The following COX7A2L variants were observed in gnomAD, a reference collection of about 807,000 sequenced individuals.
COX7A2L encodes cytochrome c oxidase subunit 7A2 like, also known as cytochrome c oxidase subunit 7A2-like, mitochondrial.
COX7A2L carries 18 observed loss-of-function variants against 14.2 expected under a neutral mutation model. The observed-to-expected ratio is 1.27, with a 90% CI of 0.88 to 1.88. COX7A2L has a LOEUF of 1.88. Among genes scored for constraint, COX7A2L ranks in the 40% most tolerant of loss-of-function variants. The pLI, the probability that COX7A2L is intolerant of heterozygous loss-of-function variation, is 0.00. For synonymous variants in COX7A2L, 65 were observed against 57.4 expected (o/e 1.13, Z -0.60); for missense variants, 179 against 138.8 (o/e 1.29, Z -1.46).
intron 1 of COX7A2L, among the ~76,000 whole-genome samples, chr2:42,357,192 A>G (rs973631672): frequency 6.6e-6 from 1 of 152,186 alleles, no homozygotes; most frequent in African/African-American, 2.4e-5. Flanking sequence ...AAGAGGGTGG[A>G]GAGAAAAGAG....
chr2:42,345,927 G>A (rs1476770905), downstream of COX7A2L, among the ~76,000 whole-genome samples: 5 of 152,192 alleles, frequency 3.3e-5, no homozygotes, highest in African/African-American at 1.2e-4. Context: ...GCCGGTGAGA[G>A]GGAGGAGGGT....
upstream of COX7A2L, among the ~76,000 whole-genome samples, chr2:42,364,436 T>G (rs1558638610): frequency 6.6e-6 from 1 of 152,100 alleles, no homozygotes; most frequent in Non-Finnish European, 1.5e-5. Context: ...CCTTTTCCAT[T>G]GTTGTTTATG....
chr2:42,364,769 G>A (rs1558638694), upstream of COX7A2L, among the ~76,000 whole-genome samples: 1 of 152,180 alleles, frequency 6.6e-6, no homozygotes. Context: ...CTGAGGGTCT[G>A]AATGGCTCAT....
chr2:42,354,931 C>G (rs1325990797), intron 1 of COX7A2L, among the ~76,000 whole-genome samples: 1 of 152,206 alleles, frequency 6.6e-6, no homozygotes, highest in Non-Finnish European at 1.5e-5. Flanking sequence ...ATTCTGACAG[C>G]AACCCTATGA....
At chr2:42,355,687 T>C (rs550174442) in intron 1 of COX7A2L, among the ~76,000 whole-genome samples, 1 of 150,642 alleles carries the variant, frequency 6.6e-6, no homozygotes, top group East Asian at 2.0e-4. Flanking sequence ...GGTTTAATAA[T>C]TTAACAGTCA....
At chr2:42,362,871 T>C (rs534022729), upstream of COX7A2L, among the ~76,000 whole-genome samples, 13 of 151,818 alleles carry the variant, frequency 8.6e-5, no homozygotes, top group Non-Finnish European at 1.3e-4. Flanking sequence ...TCCTTTTTTT[T>C]TTTTTTTTTT....
intron 1 of COX7A2L, among the ~76,000 whole-genome samples, chr2:42,367,146 A>G (rs1671179492): frequency 6.6e-6 from 1 of 152,210 alleles, no homozygotes; most frequent in South Asian, 2.1e-4. Context: ...TCTGCTCCAT[A>G]GAAACTGAAA....
In COX7A2L at chr2:42,351,349, C is replaced by A; in HGVS notation, c.215G>T (p.Gly72Val). ...ELQKFFQKAD[G>V]VPVYLKRGLP... ...GCCTCGTTTCAGGTAGACGGGCACA[C>A]CATCAGCTTTCTTGAAAGCAAGAAT... Residue 72 changes from glycine (G) to valine (V), a missense_variant, in exon 3 of 3, where the codon GGT becomes GTT. Physicochemically the swap from Gly to Val is moderately radical, Grantham distance 109. Coordinates refer to ENST00000234301, the MANE Select transcript of COX7A2L (RefSeq NM_004718.4). 6.2e-7 allele frequency: 1 copy of A among 1,613,556 alleles called. No individual in the cohort carries two copies. Among genetic ancestry groups the A allele is most frequent in the Non-Finnish European group, 8.5e-7 (1 of 1,179,860 alleles).
In COX7A2L at chr2:42,351,055, C is replaced by G. The variant is rs938945234; in HGVS notation, c.*164G>C. The G allele has an allele frequency of 2.9e-6, 2 of 701,196 alleles. No individual in the cohort carries two copies. Among genetic ancestry groups the G allele is most frequent in the African/African-American group, 1.8e-5 (1 of 55,426 alleles). The allele number at this position is 701,196 out of a possible 1,614,324, so 43.4% of individuals were successfully genotyped here. On this transcript the variant is annotated 3_prime_UTR_variant, in exon 3 of 3. Transcript: ENST00000234301. ...AACTGTCGAATGAGCTCTGACAAGCCATATGCATTTCATAAACAAACCAAA... is the reference window on the plus strand; with the variant it reads ...AACTGTCGAATGAGCTCTGACAAGCGATATGCATTTCATAAACAAACCAAA...
At chr2:42,363,513 A>G (rs970298968), upstream of COX7A2L, among the ~76,000 whole-genome samples, 1 of 152,158 alleles carries the variant, frequency 6.6e-6, no homozygotes, top group Non-Finnish European at 1.5e-5. Context: ...CTGCCATCTG[A>G]TTTTAGATCC....
chr2:42,360,664 G>A (rs945220081), intron 1 of COX7A2L, among the ~76,000 whole-genome samples: 4 of 152,014 alleles, frequency 2.6e-5, no homozygotes, highest in South Asian at 2.1e-4. Flanking sequence ...TTATAGCCCC[G>A]CGCTCTCTAA....
At position 42,353,192 on chromosome 2, in the gene COX7A2L, TGTAGA is replaced by T; in HGVS notation, c.204+15_204+19del. On this transcript the variant is annotated intron_variant, in intron 2 of 2. Coordinates refer to ENST00000234301, the MANE Select transcript of COX7A2L (RefSeq NM_004718.4). ...CTATTTATTTCACAGGCTTTTCTGT[TGTAGA>T]GTATCTTCCCTCACCTGGAAAAACT... 6.2e-7 allele frequency: 1 copy of T among 1,611,316 alleles called. No individual in the cohort carries two copies. The highest frequency in any genetic ancestry group is 1.3e-5 in the African/African-American group (1 of 74,774).
chr2:42,350,436 G>C lies in COX7A2L; in HGVS notation c.*783C>G, dbSNP rs1483729011. The C allele has an allele frequency of 1.3e-5, 2 of 152,136 alleles. No homozygotes were observed. Among genetic ancestry groups the C allele is most frequent in the African/African-American group, 4.8e-5 (2 of 41,424 alleles). The allele number at this position is 152,136 out of a possible 1,614,324, so 9.4% of individuals were successfully genotyped here. On this transcript the variant is annotated 3_prime_UTR_variant, in exon 3 of 3. Transcript: ENST00000234301. ...TTAACAAGAAAGAAATTAGACTCAGGTTTAAGATGCTGCTGGTGTTCTGAA... is the reference window on the plus strand; with the variant it reads ...TTAACAAGAAAGAAATTAGACTCAGCTTTAAGATGCTGCTGGTGTTCTGAA...
In COX7A2L at chr2:42,342,821, T is replaced by C. The variant is rs1572784656; in HGVS notation, c.193-8952A>G. 1.3e-5 allele frequency among the ~76,000 whole-genome samples: 2 copies of C among 152,248 alleles called. No homozygotes were observed. Among genetic ancestry groups the C allele is most frequent in the African/African-American group, 4.8e-5 (2 of 41,530 alleles). On this transcript the variant is annotated intron_variant, in intron 2 of 2. Coordinates refer to the COX7A2L transcript ENST00000468711. This position sits in a 1 kb window ranked among gnomAD's most constrained non-coding sequence, Gnocchi z 4.9. ...CCCCGTTTCGGGTTTTGCAGCAGACTTCCCCTGGGAAGTCAGCTCCAGCAG... is the reference window on the plus strand; with the variant it reads ...CCCCGTTTCGGGTTTTGCAGCAGACCTCCCCTGGGAAGTCAGCTCCAGCAG...
intron 2 of COX7A2L, among the ~76,000 whole-genome samples, chr2:42,337,813 A>G (rs536169672): frequency 2.0e-5 from 3 of 152,320 alleles, no homozygotes; most frequent in Non-Finnish European, 2.9e-5. Flanking sequence ...GAAGAAAATG[A>G]GCCTTACTAC....
chr2:42,348,841 G>A (rs539686167), downstream of COX7A2L, among the ~76,000 whole-genome samples: 1 of 152,052 alleles, frequency 6.6e-6, no homozygotes. Context: ...TTGCTTGAAC[G>A]TGAGAGGCGG....
chr2:42,345,395 A>C (rs1254768426), downstream of COX7A2L, among the ~76,000 whole-genome samples: 3 of 152,174 alleles, frequency 2.0e-5, no homozygotes, highest in Non-Finnish European at 2.9e-5. Context: ...AAACAAAAAC[A>C]AAAACAAAAT....
At chr2:42,359,551 TCCTTA>T (rs1670948818) in intron 1 of COX7A2L, 2 of 152,190 alleles carry the variant, frequency 1.3e-5, no homozygotes, top group South Asian at 2.1e-4. Flanking sequence ...GACTATTCCT[TCCTTA>T]CAAGTCATTA....
chr2:42,351,172 T>C lies in COX7A2L; in HGVS notation c.*47A>G. On this transcript the variant is annotated 3_prime_UTR_variant, in exon 3 of 3. Transcript: ENST00000234301. ...TTTAATTTAACAATGAAAAAGGAACTTCAAAGGGTTTATGCCAAAAAACAA... is the reference window on the plus strand; with the variant it reads ...TTTAATTTAACAATGAAAAAGGAACCTCAAAGGGTTTATGCCAAAAAACAA... The C allele has an allele frequency of 6.5e-7, 1 of 1,526,960 alleles. No individual in the cohort carries two copies. The highest frequency in any genetic ancestry group is 8.8e-7 in the Non-Finnish European group (1 of 1,136,648). The allele number at this position is 1,526,960 out of a possible 1,614,324, so 94.6% of individuals were successfully genotyped here. A position where few individuals can be genotyped will look rare whatever the true frequency, so the allele number is the denominator to read the frequency against.
Sources: allele counts gnomAD v4.1 joint callset (sites outside exome capture counted in the v4.1 genomes callset), GRCh38; gene constraint gnomAD v4.1.1; non-coding constraint Gnocchi (gnomAD v3.1); transcripts MANE v1.5; gene names NCBI Gene and HGNC (gene_info 2026-07-23, HGNC 2026-07-21).